Variants in TTC6 observed in about 807,000 individuals in gnomAD.
TTC6 encodes tetratricopeptide repeat protein 6.
Under a neutral mutation model 210.4 loss-of-function variants are expected in TTC6, and 172 were observed. The ratio of observed to expected loss-of-function variants is 0.82; its 90% confidence interval spans 0.72 to 0.93. TTC6 has a LOEUF of 0.93. Ranked by LOEUF, TTC6 falls within the 40% of genes least tolerant of loss-of-function variation. The pLI is 0.00. For synonymous variants in TTC6, 804 were observed against 819.6 expected (o/e 0.98, Z 0.32); for missense variants, 2,414 against 2,318.1 (o/e 1.04, Z -0.85).
At chr14:37,796,205 G>T in intron 18 of TTC6, 89 bp from the exon 21 acceptor site, 1 of 545,926 alleles carries the variant, frequency 1.8e-6, no homozygotes, top group Non-Finnish European at 3.2e-6. Flanking sequence ...TGAATATATT[G>T]TAAAATTGTA....
chr14:37,607,447 T>C (rs531042307), intron 2 of TTC6, among the ~76,000 whole-genome samples: 1 of 152,294 alleles, frequency 6.6e-6, no homozygotes, highest in African/African-American at 2.4e-5. Context: ...GAGAATTCTA[T>C]GTGCCAACAT....
intron 14 of TTC6, among the ~76,000 whole-genome samples, chr14:37,785,986 A>G (rs1263291539): frequency 6.6e-6 from 1 of 152,144 alleles, no homozygotes; most frequent in African/African-American, 2.4e-5. Context: ...TTCCTCTGGA[A>G]GCTTTGTCTC....
intron 25 of TTC6, among the ~76,000 whole-genome samples, chr14:37,816,304 T>A (rs1359231581): frequency 6.6e-6 from 1 of 152,110 alleles, no homozygotes; most frequent in Non-Finnish European, 1.5e-5. Flanking sequence ...GCAGAAAATT[T>A]ATCCTACCCT....
intron 6 of TTC6, among the ~76,000 whole-genome samples, chr14:37,723,270 T>C (rs1286711260): frequency 6.6e-6 from 1 of 152,140 alleles, no homozygotes; most frequent in Non-Finnish European, 1.5e-5. Context: ...GGTCTCTTTA[T>C]TGGGGAATAT....
In TTC6 at chr14:37,772,386, G is replaced by A. The variant is rs565291144; in HGVS notation, c.3267-15082G>A. On this transcript the variant is annotated intron_variant, in intron 14 of 30. Transcript: ENST00000553443. ...ACCTAAGTAAGCCTGGGCAATGGTG[G>A]GCGCCCCTTCCCCAGCCTCGCTGCC... The A allele has an allele frequency of 1.3e-3, 219 of 167,222 alleles. 1 individual carries two copies. The highest frequency in any genetic ancestry group is 4.9e-3 in the African/African-American group (206 of 41,754). The allele number at this position is 167,222 out of a possible 1,614,324, so 10.4% of individuals were successfully genotyped here.
chr14:37,761,721 T>G lies in TTC6; in HGVS notation c.3266+8486T>G, dbSNP rs571002317. 3.5e-4 allele frequency among the ~76,000 whole-genome samples: 54 copies of G among 152,310 alleles called. 1 individual carries two copies. Among genetic ancestry groups the G allele is most frequent in the African/African-American group, 1.0e-3 (42 of 41,576 alleles). On this transcript the variant is annotated intron_variant, in intron 14 of 30. Coordinates refer to ENST00000553443, the Ensembl canonical transcript of TTC6. Reference sequence around the variant, plus strand: ...AACATTCTTAGTTTAATTTTGCCTATTTTTTGAACTTTATATAAATTGAAT... The same window carrying G: ...AACATTCTTAGTTTAATTTTGCCTAGTTTTTGAACTTTATATAAATTGAAT...
chr14:37,610,986 A>C (rs1290433790), intron 2 of TTC6, among the ~76,000 whole-genome samples: 1 of 152,232 alleles, frequency 6.6e-6, no homozygotes, highest in Non-Finnish European at 1.5e-5. Context: ...CAGTTGGTTA[A>C]GCTCCGCAAA....
chr14:37,658,684 C>T (rs916417112), intron 1 of TTC6, among the ~76,000 whole-genome samples: 52 of 152,082 alleles, frequency 3.4e-4, no homozygotes, highest in Middle Eastern at 3.4e-3. Flanking sequence ...AATCTATGCA[C>T]ATAGCAAAAA....
At chr14:37,651,442 TTTTTTTTTTTTC>T (rs201081300) in intron 1 of TTC6, among the ~76,000 whole-genome samples, 1,302 of 108,020 alleles carry the variant, frequency 0.012, 16 homozygotes, top group East Asian at 0.033. Flanking sequence ...TTTTTTTTTT[TTTTTTTTTTTTC>T]CATCCATGAT....
intron 17 of TTC6, 43 bp from the exon 20 acceptor site, chr14:37,795,227 A>G: frequency 7.4e-7 from 1 of 1,343,622 alleles, no homozygotes; most frequent in Non-Finnish European, 1.0e-6. Flanking sequence ...AAAGGAAGCA[A>G]TCGATGTTAT....
chr14:37,653,133 T>G (rs2095715968), intron 1 of TTC6, among the ~76,000 whole-genome samples: 1 of 152,258 alleles, frequency 6.6e-6, no homozygotes, highest in Non-Finnish European at 1.5e-5. Context: ...TCAGGATTAA[T>G]GGCCCTCTGG....
intron 29 of TTC6, among the ~76,000 whole-genome samples, chr14:37,829,420 T>G (rs1258184291): frequency 6.6e-6 from 1 of 152,004 alleles, no homozygotes; most frequent in Admixed American, 6.6e-5. Context: ...ATAGTTTTGT[T>G]GTAGTGATTA....
intron 20 of TTC6, among the ~76,000 whole-genome samples, chr14:37,799,352 C>T (rs780228712): frequency 3.3e-5 from 5 of 152,102 alleles, no homozygotes; most frequent in Non-Finnish European, 7.4e-5. Flanking sequence ...TTTACTCTGG[C>T]ACAACCAAAT....
chr14:37,796,014 T>A (rs2096091902), intron 18 of TTC6, among the ~76,000 whole-genome samples: 1 of 152,134 alleles, frequency 6.6e-6, no homozygotes, highest in African/African-American at 2.4e-5. Flanking sequence ...CTTTTAATAA[T>A]TTCTCAGCAA....
intron 14 of TTC6, among the ~76,000 whole-genome samples, chr14:37,773,460 C>T (rs1045406327): frequency 1.2e-4 from 18 of 152,180 alleles, no homozygotes; most frequent in African/African-American, 4.3e-4. Flanking sequence ...GTAGGGGTTT[C>T]AATCTTCTGC....
chr14:37,709,466 CTAT>C (rs2095840961), intron 5 of TTC6, among the ~76,000 whole-genome samples: 1 of 152,040 alleles, frequency 6.6e-6, no homozygotes, highest in African/African-American at 2.4e-5. Flanking sequence ...TCAGTATGCA[CTAT>C]CAATGTCTGT....
intron 15 of TTC6, among the ~76,000 whole-genome samples, chr14:37,788,176 G>A (rs1382233433): frequency 6.6e-6 from 1 of 152,064 alleles, no homozygotes; most frequent in East Asian, 1.9e-4. Context: ...AGCTAAAAAT[G>A]GCCATTTCTG....
Position 37,832,323 on chromosome 14 carries a change from T to TTC in TTC6, c.5298+4963_5298+4964dup, listed in dbSNP as rs1427456551. 3.5e-4 allele frequency among the ~76,000 whole-genome samples: 39 copies of TTC among 112,708 alleles called. 1 individual carries two copies. The highest frequency in any genetic ancestry group is 9.9e-4 in the African/African-American group (30 of 30,228). 73.9% of individuals were successfully genotyped at this position (112,708 alleles called of 152,430 possible). A position where few individuals can be genotyped will look rare whatever the true frequency, so the allele number is the denominator to read the frequency against. ...CTGATATTTATTATTTTCTTTTTCTTTCTCTCTTTTTTTTTTTTTTTTTTT... is the reference window on the plus strand; with the variant it reads ...CTGATATTTATTATTTTCTTTTTCTTTCTCTCTCTTTTTTTTTTTTTTTTTTT... On this transcript the variant is annotated intron_variant, in intron 29 of 30. Coordinates refer to ENST00000553443, the Ensembl canonical transcript of TTC6.
chr14:37,690,532 A>G (rs186078078), intron 3 of TTC6, among the ~76,000 whole-genome samples: 18 of 152,284 alleles, frequency 1.2e-4, no homozygotes, highest in Non-Finnish European at 2.2e-4. Context: ...CAGGGATGGA[A>G]AAAGATATTC....
Sources: allele counts gnomAD v4.1 joint callset (sites outside exome capture counted in the v4.1 genomes callset), GRCh38; gene constraint gnomAD v4.1.1; transcripts MANE v1.5; gene names NCBI Gene and HGNC (gene_info 2026-07-23, HGNC 2026-07-21).